PCDHA6: variants seen among roughly 807,000 people sequenced by gnomAD.
PCDHA6 encodes the protein protocadherin alpha-6.
A neutral mutation model predicts 60.3 loss-of-function variants in PCDHA6; 55 were observed. The observed-to-expected ratio is 0.91, with a 90% CI of 0.73 to 1.14. The LOEUF (loss-of-function observed/expected upper bound fraction) is 1.14. Ranked by LOEUF, PCDHA6 falls within the 50% of genes most tolerant of loss-of-function variation. The pLI, the probability that PCDHA6 is intolerant of heterozygous loss-of-function variation, is 0.00. For synonymous variants in PCDHA6, 652 were observed against 557.9 expected (o/e 1.17, Z -2.38); for missense variants, 1,327 against 1,256.5 (o/e 1.06, Z -0.85).
chr5:140,968,276 G>A, intron 1 of PCDHA6: 1 of 1,614,070 alleles, frequency 6.2e-7, no homozygotes, highest in South Asian at 1.1e-5. Context: ...GAATGCAGAG[G>A]TGACCTACTC....
Position 140,829,044 on chromosome 5 carries a change from T to C in PCDHA6, c.953T>C (p.Ile318Thr). 6.2e-7 allele frequency: 1 copy of C among 1,613,140 alleles called. No individual in the cohort carries two copies. Reference protein sequence around the residue: ...LDFEQENLYKILIDATDKGHP... With the variant: ...LDFEQENLYKTLIDATDKGHP... ...TTTGAACAAGAAAACTTATACAAAA[T>C]CCTCATTGACGCCACGGACAAAGGC... The change falls in exon 1 of 4, where the codon ATC becomes ACC. Residue 318 changes from isoleucine to threonine, a missense_variant. Ile to Thr is a moderately conservative substitution (Grantham distance 89). Transcript: ENST00000529310.
intron 1 of PCDHA6, among the ~76,000 whole-genome samples, chr5:140,896,597 G>A (rs577303751): frequency 1.3e-5 from 2 of 151,484 alleles, no homozygotes; most frequent in African/African-American, 4.8e-5. Flanking sequence ...GGCTGGTCTC[G>A]AACTCCTGGT....
chr5:140,900,752 T>C lies in PCDHA6; in HGVS notation c.2394+70267T>C, dbSNP rs565842266. On this transcript the variant is annotated intron_variant, in intron 1 of 3. Coordinates refer to ENST00000529310, the MANE Select transcript of PCDHA6 (RefSeq NM_018909.4). ...GCAGTGGGATTTCTGGATCACTTGG[T>C]AGCTCTATTTTTGGCTTTTTGAGGA... Among the ~76,000 whole-genome samples, 3 of 152,272 alleles carry C rather than the reference T, an allele frequency of 2.0e-5. No homozygotes were observed. In the East Asian group the frequency reaches 5.8e-4, roughly 29 times the overall value.
intron 1 of PCDHA6, chr5:140,875,830 G>A (rs782702520): frequency 4.6e-5 from 75 of 1,614,104 alleles, no homozygotes; most frequent in East Asian, 8.9e-5. Flanking sequence ...TTTCCATGTG[G>A]ACGTGGAGGT....
chr5:140,907,235 T>C, intron 1 of PCDHA6, among the ~76,000 whole-genome samples: 1 of 152,234 alleles, frequency 6.6e-6, no homozygotes, highest in East Asian at 1.9e-4. Context: ...TGTCACCTAG[T>C]TGACATTGTA....
rs1465510521 is a variant in PCDHA6 at position 140,843,154 on chromosome 5, G to A, written c.2394+12669G>A. On this transcript the variant is annotated intron_variant, in intron 1 of 3. Coordinates refer to ENST00000529310, the MANE Select transcript of PCDHA6 (RefSeq NM_018909.4). ...ACAACGCGTGGCTTTCGTATGAGCT[G>A]CAGCCAGCTGCAAGCAGCCCTCGCA... The A allele has an allele frequency of 1.8e-5, 28 of 1,596,012 alleles. 2 individuals carry two copies. The highest frequency in any genetic ancestry group is 2.4e-5 in the Non-Finnish European group (28 of 1,165,622).
chr5:141,009,601 A>T (rs1223112014), intron 3 of PCDHA6, 26 bp from the exon 4 acceptor site: 6 of 1,607,482 alleles, frequency 3.7e-6, no homozygotes, highest in Non-Finnish European at 5.1e-6. Flanking sequence ...GACCCTGTTA[A>T]TGATTTGTAA....
rs143580970 is a variant in PCDHA6, at chr5:140,976,476, G to A, written c.2395-2473G>A. ...TGGGGAAGAAGAATTGCTTGAATCC[G>A]GGAGGCAGAGGTTGCAGGGAGCCAA... On this transcript the variant is annotated intron_variant, in intron 1 of 3. Transcript: ENST00000529310. 8.2e-3 allele frequency among the ~76,000 whole-genome samples: 1,253 copies of A among 152,132 alleles called. 22 individuals carry two copies. The highest frequency in any genetic ancestry group is 0.028 in the African/African-American group (1,179 of 41,504).
At chr5:140,967,481 G>C (rs1554229603) in intron 1 of PCDHA6, 2 of 1,613,426 alleles carry the variant, frequency 1.2e-6, no homozygotes, top group Admixed American at 1.7e-5. Flanking sequence ...AGCCCGCTCG[G>C]GTACGGCACA....
chr5:140,842,979 T>C (rs2150349093), intron 1 of PCDHA6: 1 of 1,594,876 alleles, frequency 6.3e-7, no homozygotes, highest in Non-Finnish European at 8.6e-7. Context: ...ACGCTGCAGG[T>C]GTTCGTGCTG....
At chr5:140,836,290 C>A (rs2150256990) in intron 1 of PCDHA6, 1 of 1,613,742 alleles carries the variant, frequency 6.2e-7, no homozygotes, top group Non-Finnish European at 8.5e-7. Context: ...ACGACACGAG[C>A]CCTAGATGAG....
At chr5:140,928,790 GGGT>G in intron 1 of PCDHA6, 1 of 1,614,176 alleles carries the variant, frequency 6.2e-7, no homozygotes. Flanking sequence ...GTTAAGCAGA[GGGT>G]GGTGGTAGTG....
At chr5:140,960,922 G>C (rs562658138) in intron 1 of PCDHA6, among the ~76,000 whole-genome samples, 1 of 152,272 alleles carries the variant, frequency 6.6e-6, no homozygotes, top group East Asian at 1.9e-4. Flanking sequence ...ATAGAAAATT[G>C]GTACTAAGTT....
intron 1 of PCDHA6, chr5:140,856,337 C>A (rs782782390): frequency 1.3e-6 from 2 of 1,598,382 alleles, no homozygotes; most frequent in Non-Finnish European, 1.7e-6. Flanking sequence ...GCTGTGCGGG[C>A]GGAGCGTGGA....
chr5:140,905,750 C>T (rs1349523564), intron 1 of PCDHA6, among the ~76,000 whole-genome samples: 1 of 152,102 alleles, frequency 6.6e-6, no homozygotes, highest in Non-Finnish European at 1.5e-5. Flanking sequence ...GATCTTTCAC[C>T]TCCTTGGTTA....
chr5:140,908,861 T>C (rs1554193539), intron 1 of PCDHA6, among the ~76,000 whole-genome samples: 1 of 152,160 alleles, frequency 6.6e-6, no homozygotes, highest in Admixed American at 6.5e-5. Flanking sequence ...AAATGAGGAA[T>C]GTGTTGCCTC....
At position 140,829,352 on chromosome 5, in the gene PCDHA6, T is replaced by A; in HGVS notation, c.1261T>A (p.Tyr421Asn). 12 of 1,614,230 alleles carry A rather than the reference T, an allele frequency of 7.4e-6. No individual in the cohort carries two copies. Among genetic ancestry groups the A allele is most frequent in the Non-Finnish European group, 1.0e-5 (12 of 1,180,050 alleles). Residue 421 changes from tyrosine (Y) to asparagine (N), a missense_variant, in exon 1 of 4, where the codon TAT becomes AAT. Transcript: ENST00000529310. The part of the protein sequence containing the change: ...SALDRESVSA[Y>N]ELVVTARDGG... ...CCTGGACCGCGAGAGCGTGTCGGCC[T>A]ATGAGTTGGTGGTAACCGCGCGGGA...
intron 1 of PCDHA6, among the ~76,000 whole-genome samples, chr5:140,879,645 G>T (rs1392592069): frequency 2.0e-5 from 3 of 152,228 alleles, no homozygotes; most frequent in Non-Finnish European, 4.4e-5. Flanking sequence ...GCTTCCTGTG[G>T]CTGCTATAAC....
chr5:140,851,850 C>T (rs2042178583), intron 1 of PCDHA6: 1 of 971,904 alleles, frequency 1.0e-6, no homozygotes, highest in South Asian at 4.8e-5. Context: ...TTTTTCTCCT[C>T]TCAGCTCATA....
Sources: allele counts gnomAD v4.1 joint callset (sites outside exome capture counted in the v4.1 genomes callset), GRCh38; gene constraint gnomAD v4.1.1; transcripts MANE v1.5; gene names NCBI Gene and HGNC (gene_info 2026-07-23, HGNC 2026-07-21).